The following ASTN2 variants were observed in gnomAD, a reference collection of about 807,000 sequenced individuals.
The protein encoded by ASTN2 is astrotactin 2, also known as astrotactin-2.
ASTN2 carries 54 observed loss-of-function variants against 139.8 expected under a neutral mutation model. That is an observed-to-expected ratio of 0.39 (90% CI 0.31 to 0.48). The LOEUF (loss-of-function observed/expected upper bound fraction) is 0.48, where lower values mean the gene tolerates loss of function less well. Ranked by LOEUF, ASTN2 falls within the 20% of genes least tolerant of loss-of-function variation. The pLI is 0.95. For missense variants in ASTN2, 1,565 were observed against 1,725.1 expected, an observed-to-expected ratio of 0.91 and a Z score of 1.64; for synonymous variants, 756 against 719.5, an observed-to-expected ratio of 1.05 and a Z score of -0.81.
At chr9:116,619,492 A>G (rs1856015643) in intron 18 of ASTN2, among the ~76,000 whole-genome samples, 2 of 151,236 alleles carry the variant, frequency 1.3e-5, no homozygotes, top group African/African-American at 4.9e-5. Flanking sequence ...CCCTAATAGC[A>G]CTTCTTTGTT....
intron 19 of ASTN2, among the ~76,000 whole-genome samples, chr9:116,503,174 GGAA>G (rs1849960661): frequency 6.7e-6 from 1 of 149,836 alleles, no homozygotes; most frequent in Admixed American, 6.7e-5. Flanking sequence ...GAAGGAAGAA[GGAA>G]GAAGGAGGGA....
intron 6 of ASTN2, among the ~76,000 whole-genome samples, chr9:117,025,067 G>A (rs990306107): frequency 6.6e-6 from 1 of 151,996 alleles, no homozygotes. Flanking sequence ...CCTTCCTCTA[G>A]GATTACCGAG....
At chr9:116,590,184 G>A (rs1283814440) in intron 19 of ASTN2, among the ~76,000 whole-genome samples, 2 of 152,182 alleles carry the variant, frequency 1.3e-5, no homozygotes, top group African/African-American at 2.4e-5. Flanking sequence ...ACCCTCCGAG[G>A]CACAGTGTGG....
Position 116,651,588 on chromosome 9 carries a change from C to A in ASTN2, c.3012G>T (p.Leu1004=). The A allele has an allele frequency of 6.2e-7, 1 of 1,614,176 alleles. No individual in the cohort carries two copies. The highest frequency in any genetic ancestry group is 1.1e-5 in the South Asian group (1 of 91,082). The change falls in exon 17 of 23, where the codon CTG becomes CTT. Residue 1004 remains leucine (L), a synonymous_variant. Transcript: ENST00000313400. ...GTGGCACCACACGGTTGATTTCCAG[C>A]AGCACTGGTGTGGGGCTCAGCTGCT... The part of the protein sequence containing the change: ...GKEQLSPTPV[L]LEINRVVPLY...
At chr9:117,369,536 G>C (rs1372334437) in intron 1 of ASTN2, among the ~76,000 whole-genome samples, 1 of 151,874 alleles carries the variant, frequency 6.6e-6, no homozygotes. Context: ...CACAATCCAG[G>C]CCATTTTTGC....
chr9:116,483,963 G>C (rs995829226), intron 20 of ASTN2, among the ~76,000 whole-genome samples: 1 of 152,182 alleles, frequency 6.6e-6, no homozygotes, highest in Non-Finnish European at 1.5e-5. Flanking sequence ...AAAAGCATGG[G>C]TGCAGAATTT....
intron 1 of ASTN2, among the ~76,000 whole-genome samples, chr9:117,396,077 A>C (rs1323799740): frequency 6.6e-6 from 1 of 152,168 alleles, no homozygotes; most frequent in African/African-American, 2.4e-5. Flanking sequence ...TGAGGACATC[A>C]ATGGCAATTG....
At chr9:117,146,253 C>T (rs1312545316) in intron 3 of ASTN2, among the ~76,000 whole-genome samples, 1 of 152,092 alleles carries the variant, frequency 6.6e-6, no homozygotes, top group Non-Finnish European at 1.5e-5. Context: ...AATGCTCACC[C>T]ATCGCCTGGA....
At chr9:116,686,739 G>C (rs1429309882) in intron 16 of ASTN2, 1 of 1,550,568 alleles carries the variant, frequency 6.4e-7, no homozygotes, top group South Asian at 1.2e-5. Context: ...TACTCCCCAA[G>C]TCTGCCTCTG....
intron 16 of ASTN2, among the ~76,000 whole-genome samples, chr9:116,686,076 T>C (rs1033474056): frequency 5.3e-5 from 8 of 152,204 alleles, no homozygotes; most frequent in Non-Finnish European, 8.8e-5. Flanking sequence ...TTTTCAAATA[T>C]AGTTATCATT....
At chr9:116,881,641 C>G (rs1833452147) in intron 10 of ASTN2, among the ~76,000 whole-genome samples, 1 of 152,180 alleles carries the variant, frequency 6.6e-6, no homozygotes, top group Admixed American at 6.5e-5. Flanking sequence ...CCATTTGCAC[C>G]TGGAGTGGCC....
At chr9:116,519,534 A>G (rs1355574884) in intron 19 of ASTN2, among the ~76,000 whole-genome samples, 2 of 152,096 alleles carry the variant, frequency 1.3e-5, no homozygotes, top group Non-Finnish European at 2.9e-5. Context: ...AGTTCAAAGC[A>G]TTAAGTGCCT....
At chr9:117,182,326 G>C (rs79530156) in intron 3 of ASTN2, among the ~76,000 whole-genome samples, 1 of 149,182 alleles carries the variant, frequency 6.7e-6, no homozygotes, top group African/African-American at 2.5e-5. Context: ...CACAGACACA[G>C]ACACACACAC....
chr9:117,331,441 C>A (rs1457153132), intron 1 of ASTN2, among the ~76,000 whole-genome samples: 2 of 152,146 alleles, frequency 1.3e-5, no homozygotes, highest in Non-Finnish European at 2.9e-5. Context: ...GACAGAATAT[C>A]AATTGAGCCT....
chr9:116,476,088 G>A (rs12555322), intron 20 of ASTN2, among the ~76,000 whole-genome samples: 84,888 of 151,932 alleles, frequency 0.56, 24,348 homozygotes, highest in Admixed American at 0.66. Context: ...CATGGCATCC[G>A]CAGGGCCATG....
intron 11 of ASTN2, among the ~76,000 whole-genome samples, chr9:116,844,776 G>C (rs1433921498): frequency 6.6e-6 from 1 of 152,040 alleles, no homozygotes; most frequent in African/African-American, 2.4e-5. Flanking sequence ...CTTAGTTTTG[G>C]CTTGAGTTCC....
chr9:116,698,150 C>T lies in ASTN2; in HGVS notation c.2806+27621G>A. 6.2e-7 allele frequency: 1 copy of T among 1,614,108 alleles called. No homozygotes were observed. Among genetic ancestry groups the T allele is most frequent in the Non-Finnish European group, 8.5e-7 (1 of 1,180,032 alleles). ...ATCAGCCTCCTGGCCACTGTACACT[C>T]CCTGTCAAAGAAGCAGCTGAGGAGC... On this transcript the variant is annotated intron_variant, in intron 16 of 22. Coordinates refer to ENST00000313400, the MANE Select transcript of ASTN2 (RefSeq NM_001365068.1). The surrounding 1 kb of genome is among the most constrained non-coding windows in gnomAD (Gnocchi z 4.4).
intron 13 of ASTN2, among the ~76,000 whole-genome samples, chr9:116,804,503 T>C (rs1209739917): frequency 2.0e-5 from 3 of 152,184 alleles, no homozygotes; most frequent in African/African-American, 7.2e-5. Context: ...CACAGGATCA[T>C]TGTGAGGATT....
intron 5 of ASTN2, 101 bp from the exon 6 acceptor site, chr9:117,040,066 G>GA: frequency 4.6e-6 from 6 of 1,306,080 alleles, no homozygotes; most frequent in East Asian, 2.5e-5. Flanking sequence ...TTGGGAATCT[G>GA]AAAAAAGAAA....
Sources: gnomAD v4.1 joint callset for allele counts (sites outside exome capture counted in the v4.1 genomes callset) on GRCh38, gnomAD v4.1.1 for gene constraint, Gnocchi (gnomAD v3.1) non-coding constraint, MANE v1.5 for transcripts, NCBI Gene and HGNC (gene_info 2026-07-23, HGNC 2026-07-21) for gene names.